ZNF892: variants seen among roughly 807,000 people sequenced by gnomAD.
ZNF892 encodes zinc finger protein 892, also known as zinc finger protein 570-like.
the ZNF892 span, among the ~76,000 whole-genome samples, chr2:95,253,682 G>A: frequency 2.6e-5 from 4 of 152,164 alleles, no homozygotes; most frequent in Non-Finnish European, 5.9e-5. Context: ...GGCAGTATGG[G>A]CATTTTCACA....
chr2:95,256,741 T>C, the ZNF892 span, among the ~76,000 whole-genome samples: 2 of 152,222 alleles, frequency 1.3e-5, no homozygotes, highest in African/African-American at 2.4e-5. Context: ...TTTCACATAG[T>C]CCCATATTTC....
At chr2:95,242,985 G>A in the ZNF892 span, among the ~76,000 whole-genome samples, 3 of 152,194 alleles carry the variant, frequency 2.0e-5, no homozygotes, top group Non-Finnish European at 4.4e-5. Flanking sequence ...GAGTGTCTGC[G>A]ATTGCAGGCG....
the ZNF892 span, among the ~76,000 whole-genome samples, chr2:95,240,259 G>A: frequency 6.6e-6 from 1 of 152,174 alleles, no homozygotes; most frequent in African/African-American, 2.4e-5. Flanking sequence ...AAATATCCAG[G>A]TTCTCACATT....
chr2:95,249,073 C>A, the ZNF892 span, among the ~76,000 whole-genome samples: 1 of 151,668 alleles, frequency 6.6e-6, no homozygotes, highest in Non-Finnish European at 1.5e-5. Flanking sequence ...CCTGTCACAG[C>A]ATCCGACTGC....
the ZNF892 span, among the ~76,000 whole-genome samples, chr2:95,231,341 G>A: frequency 6.6e-6 from 1 of 152,148 alleles, no homozygotes; most frequent in South Asian, 2.1e-4. Flanking sequence ...CTCTAGAAAA[G>A]TCAGCACTGA....
At chr2:95,255,003 AT>A in the ZNF892 span, among the ~76,000 whole-genome samples, 1 of 151,932 alleles carries the variant, frequency 6.6e-6, no homozygotes, top group Non-Finnish European at 1.5e-5. Context: ...CGGTCTATCA[AT>A]TTTGTTGATC....
chr2:95,237,721 G>A, the ZNF892 span, among the ~76,000 whole-genome samples: 2 of 152,220 alleles, frequency 1.3e-5, no homozygotes, highest in African/African-American at 4.8e-5. Flanking sequence ...GCGAAGTTGT[G>A]AATGCAAAGG....
the ZNF892 span, among the ~76,000 whole-genome samples, chr2:95,245,912 T>G: frequency 6.6e-6 from 1 of 152,192 alleles, no homozygotes; most frequent in Non-Finnish European, 1.5e-5. Flanking sequence ...ACCAGACATA[T>G]TCACAGCTGA....
chr2:95,228,725 A>T, the ZNF892 span, among the ~76,000 whole-genome samples: 2 of 152,158 alleles, frequency 1.3e-5, no homozygotes, highest in African/African-American at 4.8e-5. Flanking sequence ...AGGCATTCTC[A>T]TGAAAAGAGG....
At chr2:95,245,294 A>C in the ZNF892 span, among the ~76,000 whole-genome samples, 1 of 131,558 alleles carries the variant, frequency 7.6e-6, no homozygotes, top group African/African-American at 2.9e-5. Context: ...TTTGTTGCCC[A>C]GGCTGGAGTG....
At chr2:95,251,167 A>G in the ZNF892 span, among the ~76,000 whole-genome samples, 1 of 152,164 alleles carries the variant, frequency 6.6e-6, no homozygotes. Flanking sequence ...ATACATATGT[A>G]GATATGAACA....
the ZNF892 span, among the ~76,000 whole-genome samples, chr2:95,253,682 G>C: frequency 5.9e-5 from 9 of 152,046 alleles, no homozygotes; most frequent in Non-Finnish European, 1.3e-4. Flanking sequence ...GGCAGTATGG[G>C]CATTTTCACA....
the ZNF892 span, among the ~76,000 whole-genome samples, chr2:95,229,223 T>A: frequency 6.6e-6 from 1 of 152,212 alleles, no homozygotes; most frequent in African/African-American, 2.4e-5. Flanking sequence ...CTGAGACCTG[T>A]CTCAGATTTT....
At chr2:95,217,084 C>T in the ZNF892 span, among the ~76,000 whole-genome samples, 2 of 152,176 alleles carry the variant, frequency 1.3e-5, no homozygotes, top group Non-Finnish European at 2.9e-5. Context: ...GAGGGCTTTC[C>T]TCCTGGCTTA....
chr2:95,226,558 G>GT, the ZNF892 span, among the ~76,000 whole-genome samples: 4 of 152,194 alleles, frequency 2.6e-5, no homozygotes, highest in Non-Finnish European at 5.9e-5. Context: ...ACTGGCCTTA[G>GT]TATGTAGGGA....
the ZNF892 span, among the ~76,000 whole-genome samples, chr2:95,213,097 T>C: frequency 6.6e-6 from 1 of 152,226 alleles, no homozygotes; most frequent in African/African-American, 2.4e-5. Flanking sequence ...TTGCTTACTC[T>C]GCCAGCTCTG....
the ZNF892 span, among the ~76,000 whole-genome samples, chr2:95,254,865 G>T: frequency 1.3e-5 from 2 of 152,178 alleles, no homozygotes; most frequent in African/African-American, 4.8e-5. Flanking sequence ...TAGTTTATTT[G>T]CATAGAGGTG....
chr2:95,235,361 CTTT>C, the ZNF892 span, among the ~76,000 whole-genome samples: 12 of 132,064 alleles, frequency 9.1e-5, no homozygotes, highest in Non-Finnish European at 1.1e-4. Context: ...TTCCAGTAAA[CTTT>C]TTTTTTTTTT....
the ZNF892 span, among the ~76,000 whole-genome samples, chr2:95,248,991 A>C: frequency 3.9e-5 from 6 of 151,906 alleles, no homozygotes; most frequent in African/African-American, 1.4e-4. Context: ...TACATAGCCC[A>C]GGCTGAATGT....
Sources: gnomAD v4.1 joint callset for allele counts (sites outside exome capture counted in the v4.1 genomes callset) on GRCh38, gnomAD v4.1.1 for gene constraint, MANE v1.5 for transcripts, NCBI Gene and HGNC (gene_info 2026-07-23, HGNC 2026-07-21) for gene names.